Variants in COL22A1 observed in about 807,000 individuals in gnomAD.
COL22A1 encodes the protein collagen alpha-1(XXII) chain.
Under a neutral mutation model 248.9 loss-of-function variants are expected in COL22A1, and 221 were observed. That is an observed-to-expected ratio of 0.89 (90% CI 0.80 to 0.99). COL22A1 has a LOEUF of 0.99. COL22A1 is among the 50% of genes least tolerant of loss of function. COL22A1 has a pLI of 0.00. For synonymous variants in COL22A1, 891 were observed against 793.4 expected, an observed-to-expected ratio of 1.12 and a Z score of -2.07; for missense variants, 2,240 against 2,179.0, an observed-to-expected ratio of 1.03 and a Z score of -0.56.
chr8:138,848,841 G>A (rs1380814541), intron 3 of COL22A1, among the ~76,000 whole-genome samples: 2 of 152,140 alleles, frequency 1.3e-5, no homozygotes, highest in Non-Finnish European at 2.9e-5. Context: ...GAAGAGATAC[G>A]GTGGCCCCAT....
intron 41 of COL22A1, among the ~76,000 whole-genome samples, chr8:138,665,307 A>C (rs1824404792): frequency 6.6e-6 from 1 of 152,140 alleles, no homozygotes; most frequent in Non-Finnish European, 1.5e-5. Flanking sequence ...GTAAGTTGAA[A>C]CTCAGAACAG....
At chr8:138,799,531 C>A (rs879699445) in intron 11 of COL22A1, among the ~76,000 whole-genome samples, 9 of 152,074 alleles carry the variant, frequency 5.9e-5, no homozygotes, top group Admixed American at 1.3e-4. Flanking sequence ...AAGTCTATCC[C>A]CCTTCCCCAG....
intron 1 of COL22A1, among the ~76,000 whole-genome samples, chr8:138,901,265 G>T (rs373000678): frequency 7.9e-5 from 12 of 151,842 alleles, no homozygotes; most frequent in Admixed American, 5.9e-4. Context: ...GGGGAATGGG[G>T]TGAGGAGTGA....
chr8:138,751,766 G>T (rs1266333697), intron 21 of COL22A1, among the ~76,000 whole-genome samples: 1 of 152,214 alleles, frequency 6.6e-6, no homozygotes, highest in Non-Finnish European at 1.5e-5. Context: ...AGTACTGTAA[G>T]CATCCAACAG....
At chr8:138,592,350 G>A (rs1326557717) in intron 63 of COL22A1, among the ~76,000 whole-genome samples, 1 of 152,176 alleles carries the variant, frequency 6.6e-6, no homozygotes, top group African/African-American at 2.4e-5. Flanking sequence ...TGCATGCAGT[G>A]TATTTTCTCT....
chr8:138,622,724 C>T (rs1819904541), intron 52 of COL22A1, among the ~76,000 whole-genome samples: 1 of 152,132 alleles, frequency 6.6e-6, no homozygotes, highest in African/African-American at 2.4e-5. Flanking sequence ...AGACTATACA[C>T]ATTGTTTTAC....
chr8:138,738,094 TC>T (rs1231589852), intron 22 of COL22A1, among the ~76,000 whole-genome samples: 4 of 152,154 alleles, frequency 2.6e-5, no homozygotes, highest in African/African-American at 9.7e-5. Context: ...CTAAGCCACA[TC>T]CCATATCACA....
chr8:138,869,735 G>A (rs924210833), intron 3 of COL22A1, among the ~76,000 whole-genome samples: 8 of 152,202 alleles, frequency 5.3e-5, no homozygotes, highest in African/African-American at 1.9e-4. Context: ...CCTCCCAAGA[G>A]GAACTCCTGG....
In COL22A1 at chr8:138,696,282, C is replaced by T. The variant is rs558319620; in HGVS notation, c.2593-1403G>A. On this transcript the variant is annotated intron_variant, in intron 32 of 64. Coordinates refer to ENST00000303045, the MANE Select transcript of COL22A1 (RefSeq NM_152888.3). ...CCTGCTTAGGGGGACATCGGGCTCC[C>T]CTGCCACAGATAAGCCCAAGGAGAG... Among the ~76,000 whole-genome samples, 12 of 152,256 alleles carry T rather than the reference C, an allele frequency of 7.9e-5. No individual in the cohort carries two copies. The South Asian group carries it at 2.3e-3, about 29-fold the overall frequency.
At chr8:138,818,417 G>A (rs796983473) in intron 7 of COL22A1, among the ~76,000 whole-genome samples, 11 of 152,324 alleles carry the variant, frequency 7.2e-5, no homozygotes, top group African/African-American at 1.4e-4. Context: ...GTTTGTGACC[G>A]TGATGCACAC....
At chr8:138,608,104 C>G (rs546338944) in intron 56 of COL22A1, 115 bp from the exon 57 acceptor site, 1 of 814,024 alleles carries the variant, frequency 1.2e-6, no homozygotes, top group African/African-American at 1.7e-5. Context: ...GTTACTCTAG[C>G]CAGTGTGGCT....
At chr8:138,902,739 T>TATACACACAC (rs763466994) in intron 1 of COL22A1, among the ~76,000 whole-genome samples, 47 of 93,880 alleles carry the variant, frequency 5.0e-4, no homozygotes, top group African/African-American at 2.1e-3. Context: ...TATATATATA[T>TATACACACAC]ACACACACAC....
chr8:138,783,606 C>G (rs1815239214), intron 12 of COL22A1, among the ~76,000 whole-genome samples: 1 of 152,166 alleles, frequency 6.6e-6, no homozygotes, highest in Non-Finnish European at 1.5e-5. Context: ...AAGTTAATCT[C>G]CTTTGGCAAC....
intron 7 of COL22A1, among the ~76,000 whole-genome samples, chr8:138,819,190 C>T (rs756069003): frequency 6.6e-5 from 10 of 152,304 alleles, no homozygotes; most frequent in Non-Finnish European, 1.2e-4. Context: ...TGCCAGAATG[C>T]CACTTCCTAA....
intron 41 of COL22A1, among the ~76,000 whole-genome samples, chr8:138,670,929 C>A (rs966435902): frequency 7.6e-6 from 1 of 131,076 alleles, no homozygotes; most frequent in African/African-American, 2.8e-5. Context: ...CCACTGCACT[C>A]CAGCTTGGGG....
intron 23 of COL22A1, among the ~76,000 whole-genome samples, chr8:138,730,546 A>G (rs753704216): frequency 1.2e-4 from 18 of 152,206 alleles, no homozygotes; most frequent in Non-Finnish European, 2.5e-4. Flanking sequence ...AGGCAGGGTT[A>G]TATTTTGAGC....
chr8:138,635,009 CT>C lies in COL22A1; in HGVS notation c.3609del (p.Ala1205GlnfsTer223), dbSNP rs1821029768. On this transcript the variant is annotated frameshift_variant and splice_region_variant, in exon 49 of 65. Transcript: ENST00000303045. LOFTEE classifies it high-confidence loss of function. Reference protein sequence around the residue: ...FMGPPGNPGPPGADGIAGAAG... With the variant: ...FMGPPGNPGPXGADGIAGAAG... ...GGAGGGGATTAAAGATGATTACTTA[CT>C]GGTGGCCCAGGGTTCCCTGGGGGCC... 1 of 1,596,942 alleles carries C rather than the reference CT, an allele frequency of 6.3e-7. No individual in the cohort carries two copies. The highest frequency in any genetic ancestry group is 8.6e-7 in the Non-Finnish European group (1 of 1,165,308).
intron 9 of COL22A1, among the ~76,000 whole-genome samples, chr8:138,811,596 C>T (rs1393445931): frequency 1.3e-5 from 2 of 152,104 alleles, no homozygotes; most frequent in Non-Finnish European, 2.9e-5. Context: ...TCCTAGAAAG[C>T]TTTCATCAGG....
chr8:138,735,253 G>T (rs990361621), intron 23 of COL22A1, among the ~76,000 whole-genome samples: 1 of 152,120 alleles, frequency 6.6e-6, no homozygotes, highest in African/African-American at 2.4e-5. Flanking sequence ...ACACAGCTTC[G>T]ATTCCATCAG....
Sources: allele counts gnomAD v4.1 joint callset (sites outside exome capture counted in the v4.1 genomes callset), GRCh38; gene constraint gnomAD v4.1.1; transcripts MANE v1.5; gene names NCBI Gene and HGNC (gene_info 2026-07-23, HGNC 2026-07-21).